The following FHIT variants were observed in gnomAD, a reference collection of about 807,000 sequenced individuals.
FHIT encodes fragile histidine triad diadenosine triphosphatase.
FHIT carries 19 observed loss-of-function variants against 17.9 expected under a neutral mutation model. The ratio of observed to expected loss-of-function variants is 1.06; its 90% confidence interval spans 0.74 to 1.56. The LOEUF (loss-of-function observed/expected upper bound fraction) is 1.56. Among genes scored for constraint, FHIT ranks in the 40% most tolerant of loss-of-function variants. The pLI is 0.00. For synonymous variants in FHIT, 81 were observed against 69.7 expected (o/e 1.16, Z -0.81); for missense variants, 248 against 189.2 (o/e 1.31, Z -1.82).
At chr3:60,516,819 A>G (rs1230976947) in intron 5 of FHIT, among the ~76,000 whole-genome samples, 1 of 152,232 alleles carries the variant, frequency 6.6e-6, no homozygotes, top group Admixed American at 6.5e-5. Context: ...TGAGACAATG[A>G]CAGGGATCAC....
intron 5 of FHIT, among the ~76,000 whole-genome samples, chr3:60,200,521 A>C (rs1001017134): frequency 2.0e-5 from 3 of 152,126 alleles, no homozygotes; most frequent in African/African-American, 7.2e-5. Context: ...AATGGGAAAA[A>C]TTAATTAAAT....
At chr3:61,040,357 C>A (rs949472195) in intron 3 of FHIT, among the ~76,000 whole-genome samples, 1 of 152,098 alleles carries the variant, frequency 6.6e-6, no homozygotes, top group Non-Finnish European at 1.5e-5. Context: ...ATGATCAGTG[C>A]AAACCTTATT....
At chr3:60,590,603 A>G (rs374959186) in intron 4 of FHIT, among the ~76,000 whole-genome samples, 4 of 152,144 alleles carry the variant, frequency 2.6e-5, no homozygotes, top group African/African-American at 9.6e-5. Context: ...GGAATTACTT[A>G]AGCACTGGAA....
chr3:60,831,063 T>G (rs955235215), intron 3 of FHIT, among the ~76,000 whole-genome samples: 2 of 152,098 alleles, frequency 1.3e-5, no homozygotes, highest in Non-Finnish European at 2.9e-5. Context: ...AAGAAACTCA[T>G]CAGTACTAAC....
intron 5 of FHIT, among the ~76,000 whole-genome samples, chr3:60,021,962 G>A (rs145803294): frequency 2.8e-4 from 43 of 152,312 alleles, no homozygotes; most frequent in African/African-American, 1.0e-3. Flanking sequence ...TCTCTTTACC[G>A]CAGTATTCAT....
At chr3:60,851,898 G>GA (rs1482428114) in intron 3 of FHIT, among the ~76,000 whole-genome samples, 2 of 151,714 alleles carry the variant, frequency 1.3e-5, no homozygotes, top group African/African-American at 4.8e-5. Context: ...TATAAATCCT[G>GA]AAAAAAGAAA....
chr3:60,886,990 A>T (rs929381023), intron 3 of FHIT, among the ~76,000 whole-genome samples: 5 of 152,198 alleles, frequency 3.3e-5, no homozygotes, highest in African/African-American at 1.2e-4. Flanking sequence ...AGCAAACTTC[A>T]TTTGACTATA....
intron 3 of FHIT, among the ~76,000 whole-genome samples, chr3:60,838,033 T>C (rs978331490): frequency 6.6e-6 from 1 of 152,224 alleles, no homozygotes; most frequent in Non-Finnish European, 1.5e-5. Flanking sequence ...ATGTTTTTGC[T>C]ATGTTTTTTT....
chr3:60,710,342 G>A (rs148581582), intron 4 of FHIT, among the ~76,000 whole-genome samples: 67 of 152,310 alleles, frequency 4.4e-4, no homozygotes, highest in Middle Eastern at 3.4e-3. Flanking sequence ...CAGAGTGAGC[G>A]ACACAGAAGA....
At chr3:60,145,316 A>G (rs1700196101) in intron 5 of FHIT, among the ~76,000 whole-genome samples, 1 of 152,158 alleles carries the variant, frequency 6.6e-6, no homozygotes, top group Admixed American at 6.5e-5. Context: ...CAGTCACATT[A>G]TATGTAAATT....
chr3:59,894,673 G>A (rs746893611), intron 8 of FHIT, among the ~76,000 whole-genome samples: 37 of 152,246 alleles, frequency 2.4e-4, no homozygotes, highest in Non-Finnish European at 4.4e-4. Context: ...TGTTTGGACC[G>A]TGAAAGATCA....
At chr3:59,919,377 A>C (rs565124732) in intron 8 of FHIT, among the ~76,000 whole-genome samples, 2 of 152,292 alleles carry the variant, frequency 1.3e-5, no homozygotes, top group African/African-American at 4.8e-5. Context: ...CGATACTCAC[A>C]GATCTGCCCT....
chr3:60,066,630 A>ATTTTTTTT lies in FHIT; in HGVS notation c.104-52486_104-52479dup, dbSNP rs71089574. ...ATAGGTTGATTTTAATCCCTGACAA[A>ATTTTTTTT]TTTTTTTTTTTTTTTTTTTTTTTTT... On this transcript the variant is annotated intron_variant, in intron 5 of 9. Transcript: ENST00000492590. Among the ~76,000 whole-genome samples, 81 of 51,418 alleles carry ATTTTTTTT rather than the reference A, an allele frequency of 1.6e-3. 10 individuals carry two copies. The highest frequency in any genetic ancestry group is 2.5e-3 in the Non-Finnish European group (68 of 27,692). The allele number at this position is 51,418 out of a possible 152,430, so 33.7% of individuals were successfully genotyped here. A position where few individuals can be genotyped will look rare whatever the true frequency, so the allele number is the denominator to read the frequency against.
chr3:61,034,445 C>A (rs1323799405), intron 3 of FHIT, among the ~76,000 whole-genome samples: 2 of 151,648 alleles, frequency 1.3e-5, no homozygotes, highest in Non-Finnish European at 2.9e-5. Flanking sequence ...CAAACAAAAA[C>A]AACAAAAAAA....
At chr3:61,097,108 C>T (rs1201737143) in intron 2 of FHIT, among the ~76,000 whole-genome samples, 1 of 148,180 alleles carries the variant, frequency 6.7e-6, no homozygotes. Flanking sequence ...AAGACGGGGG[C>T]GATTCCAAGA....
intron 7 of FHIT, among the ~76,000 whole-genome samples, chr3:59,939,886 G>A (rs1706426867): frequency 6.6e-6 from 1 of 152,296 alleles, no homozygotes; most frequent in Admixed American, 6.5e-5. Flanking sequence ...TAGCTGGCAT[G>A]AATGTGTAAA....
chr3:61,013,856 T>G (rs1320296012), intron 3 of FHIT, among the ~76,000 whole-genome samples: 1 of 152,216 alleles, frequency 6.6e-6, no homozygotes. Flanking sequence ...ACAGTTTTCT[T>G]TCTGAGACAA....
chr3:59,902,449 C>A (rs868713500), intron 8 of FHIT, among the ~76,000 whole-genome samples: 52 of 151,170 alleles, frequency 3.4e-4, no homozygotes, highest in African/African-American at 1.3e-3. Context: ...GGATATAGAA[C>A]CAAAGGAACT....
intron 7 of FHIT, among the ~76,000 whole-genome samples, chr3:59,942,046 G>A (rs1416919377): frequency 3.9e-5 from 6 of 152,204 alleles, no homozygotes; most frequent in East Asian, 3.9e-4. Flanking sequence ...ATCATCTCAC[G>A]ATCTATAGTA....
Sources: allele counts gnomAD v4.1 joint callset (sites outside exome capture counted in the v4.1 genomes callset), GRCh38; gene constraint gnomAD v4.1.1; transcripts MANE v1.5; gene names NCBI Gene and HGNC (gene_info 2026-07-23, HGNC 2026-07-21).